ADAMTS12: variants seen among roughly 807,000 people sequenced by gnomAD.
The protein encoded by ADAMTS12 is A disintegrin and metalloproteinase with thrombospondin motifs 12.
In ADAMTS12, 118 loss-of-function variants were observed where a neutral mutation model predicts 167.8. The observed-to-expected ratio is 0.70, with a 90% CI of 0.61 to 0.82. ADAMTS12 has a LOEUF of 0.82. Ranked by LOEUF, ADAMTS12 falls within the 40% of genes least tolerant of loss-of-function variation. ADAMTS12 has a pLI of 0.00. For synonymous variants in ADAMTS12, 704 were observed against 716.9 expected (o/e 0.98, Z 0.29); for missense variants, 1,916 against 1,998.8 (o/e 0.96, Z 0.79).
intron 2 of ADAMTS12, among the ~76,000 whole-genome samples, chr5:33,865,535 G>T (rs1028791947): frequency 2.0e-5 from 3 of 152,120 alleles, no homozygotes. Flanking sequence ...GAAGTTTAAA[G>T]CATTGCCTCT....
intron 16 of ADAMTS12, among the ~76,000 whole-genome samples, chr5:33,597,519 C>T (rs13163888): frequency 3.3e-5 from 5 of 151,826 alleles, no homozygotes; most frequent in African/African-American, 9.7e-5. Context: ...TCACACAGCT[C>T]GCAGGACTGA....
intron 1 of ADAMTS12, among the ~76,000 whole-genome samples, chr5:33,887,032 C>A (rs1403997385): frequency 6.6e-6 from 1 of 152,020 alleles, no homozygotes; most frequent in Non-Finnish European, 1.5e-5. Context: ...CAAGCAGAGA[C>A]AGGAGAGAAG....
chr5:33,608,282 G>A (rs1297955965), intron 16 of ADAMTS12, among the ~76,000 whole-genome samples: 1 of 152,172 alleles, frequency 6.6e-6, no homozygotes, highest in African/African-American at 2.4e-5. Flanking sequence ...GATAAGACGT[G>A]CACACAAATA....
chr5:33,713,879 G>A (rs1261710682), intron 3 of ADAMTS12, among the ~76,000 whole-genome samples: 1 of 152,080 alleles, frequency 6.6e-6, no homozygotes, highest in Admixed American at 6.6e-5. Context: ...AACCCAGTAA[G>A]AACTAGTTAT....
At chr5:33,844,842 C>T (rs2548018) in intron 2 of ADAMTS12, among the ~76,000 whole-genome samples, 2,810 of 152,262 alleles carry the variant, frequency 0.018, 107 homozygotes, top group East Asian at 0.15. Context: ...CTCCCCCGGA[C>T]GCCCAGCTTT....
intron 2 of ADAMTS12, among the ~76,000 whole-genome samples, chr5:33,799,443 CAG>C (rs1470116386): frequency 1.3e-5 from 2 of 152,132 alleles, no homozygotes; most frequent in African/African-American, 4.8e-5. Flanking sequence ...AGTTGCTGGG[CAG>C]AGTCTTTCCC....
intron 2 of ADAMTS12, among the ~76,000 whole-genome samples, chr5:33,784,122 T>A (rs140109805): frequency 6.6e-6 from 1 of 151,758 alleles, no homozygotes; most frequent in African/African-American, 2.4e-5. Context: ...ACCCTCTCAA[T>A]AGATGTAGAA....
chr5:33,621,948 G>T (rs981530764), intron 14 of ADAMTS12, among the ~76,000 whole-genome samples: 1 of 152,220 alleles, frequency 6.6e-6, no homozygotes, highest in Non-Finnish European at 1.5e-5. Flanking sequence ...TCAAAAGAGG[G>T]TTGTGAGATA....
At chr5:33,534,515 T>C (rs540555792) in intron 23 of ADAMTS12, among the ~76,000 whole-genome samples, 1 of 152,230 alleles carries the variant, frequency 6.6e-6, no homozygotes, top group East Asian at 1.9e-4. Flanking sequence ...TCTCAAGACA[T>C]CTTTGAAAGC....
chr5:33,700,589 G>A (rs1742964742), intron 3 of ADAMTS12, among the ~76,000 whole-genome samples: 1 of 152,164 alleles, frequency 6.6e-6, no homozygotes, highest in Non-Finnish European at 1.5e-5. Context: ...GAATCTTTGG[G>A]GGCTGGAGCT....
intron 15 of ADAMTS12, among the ~76,000 whole-genome samples, chr5:33,615,624 C>T (rs981727124): frequency 6.6e-6 from 1 of 152,132 alleles, no homozygotes; most frequent in Non-Finnish European, 1.5e-5. Flanking sequence ...TTTAAAGCAC[C>T]TTGCATTTTG....
At chr5:33,588,479 G>T in intron 18 of ADAMTS12, 120 bp downstream of exon 18, 2 of 1,171,490 alleles carry the variant, frequency 1.7e-6, no homozygotes, top group Non-Finnish European at 2.6e-6. Context: ...GGCCAGGGGT[G>T]ATGAACACTG....
intron 20 of ADAMTS12, among the ~76,000 whole-genome samples, chr5:33,558,589 A>G (rs1352243404): frequency 3.9e-5 from 6 of 152,220 alleles, no homozygotes; most frequent in Admixed American, 3.9e-4. Context: ...GCCGGACCCC[A>G]GAGATGAGCT....
intron 2 of ADAMTS12, among the ~76,000 whole-genome samples, chr5:33,758,797 T>C (rs543897507): frequency 1.3e-5 from 2 of 152,086 alleles, no homozygotes; most frequent in African/African-American, 4.8e-5. Flanking sequence ...ACAGCCCAGA[T>C]TCAGATACTG....
At chr5:33,713,200 A>C (rs1261297594) in intron 3 of ADAMTS12, among the ~76,000 whole-genome samples, 1 of 152,178 alleles carries the variant, frequency 6.6e-6, no homozygotes, top group Non-Finnish European at 1.5e-5. Context: ...AGGGCCAGTC[A>C]GGGAGCTATA....
chr5:33,686,168 AC>A (rs1742316832), intron 3 of ADAMTS12, among the ~76,000 whole-genome samples: 2 of 151,998 alleles, frequency 1.3e-5, no homozygotes, highest in African/African-American at 2.4e-5. Flanking sequence ...CAGTTTTCTC[AC>A]CCAGTGCCCT....
intron 2 of ADAMTS12, among the ~76,000 whole-genome samples, chr5:33,782,270 C>T (rs548724126): frequency 2.0e-3 from 305 of 151,464 alleles, no homozygotes; most frequent in Admixed American, 5.4e-3. Context: ...TATATACTAC[C>T]GAACAACCAA....
chr5:33,772,857 T>C (rs1342553363), intron 2 of ADAMTS12, among the ~76,000 whole-genome samples: 1 of 152,194 alleles, frequency 6.6e-6, no homozygotes, highest in African/African-American at 2.4e-5. Flanking sequence ...GACACAGGAA[T>C]GAATAATGCT....
At chr5:33,583,941 GA>G (rs565281901) in intron 18 of ADAMTS12, among the ~76,000 whole-genome samples, 183 of 152,272 alleles carry the variant, frequency 1.2e-3, no homozygotes, top group African/African-American at 4.4e-3. Flanking sequence ...AACAGAATGA[GA>G]AAAGCCAGTC....
Sources: gnomAD v4.1 joint callset for allele counts (sites outside exome capture counted in the v4.1 genomes callset) on GRCh38, gnomAD v4.1.1 for gene constraint, MANE v1.5 for transcripts, NCBI Gene and HGNC (gene_info 2026-07-23, HGNC 2026-07-21) for gene names.